The following TM2D1 variants were observed in gnomAD, a reference collection of about 807,000 sequenced individuals.
TM2D1 encodes the protein TM2 domain-containing protein 1.
In TM2D1, 15 loss-of-function variants were observed where a neutral mutation model predicts 28.4. The ratio of observed to expected loss-of-function variants is 0.53; its 90% CI spans 0.35 to 0.81. The LOEUF (loss-of-function observed/expected upper bound fraction) is 0.81, where lower values mean the gene tolerates loss of function less well. Ranked by LOEUF, TM2D1 falls within the 40% of genes least tolerant of loss-of-function variation. The probability of loss-of-function intolerance (pLI) is 0.01; values close to 1 mark genes in which losing one functional copy is unlikely to be tolerated. For synonymous variants in TM2D1, 93 were observed against 96.2 expected, an observed-to-expected ratio of 0.97 and a Z score of 0.20; for missense variants, 236 against 254.9, an observed-to-expected ratio of 0.93 and a Z score of 0.50.
chr1:61,716,968 A>G (rs1176200982), intron 2 of TM2D1, among the ~76,000 whole-genome samples: 1 of 152,040 alleles, frequency 6.6e-6, no homozygotes, highest in African/African-American at 2.4e-5. Context: ...CTTAATCAAT[A>G]CTCTTTCCAT....
chr1:61,703,016 G>A (rs941006878), intron 3 of TM2D1, among the ~76,000 whole-genome samples: 39 of 151,588 alleles, frequency 2.6e-4, no homozygotes, highest in Middle Eastern at 3.4e-3. Context: ...TGAGGCATGA[G>A]AATCGCTTGA....
chr1:61,711,798 T>G (rs964387071), intron 2 of TM2D1, among the ~76,000 whole-genome samples: 3 of 152,226 alleles, frequency 2.0e-5, no homozygotes, highest in Admixed American at 6.5e-5. Context: ...ATCATGCTTT[T>G]GATTAGTTAT....
At chr1:61,710,448 G>GTATATA (rs1210120656) in intron 2 of TM2D1, among the ~76,000 whole-genome samples, 4 of 49,608 alleles carry the variant, frequency 8.1e-5, no homozygotes, top group African/African-American at 1.9e-4. Context: ...AAAAAAAAAT[G>GTATATA]TATATATATA....
In TM2D1 at chr1:61,700,055, TAGA is replaced by T; in HGVS notation, c.439+876_439+878del. The T allele has an allele frequency of 3.0e-6, 4 of 1,329,524 alleles. No homozygotes were observed. The South Asian group carries it at 8.9e-5, about 30-fold the overall frequency. 82.4% of individuals were successfully genotyped at this position (1,329,524 alleles called of 1,614,324 possible). ...AAATTTGCTCAGTGAAGGGCTAATA[TAGA>T]AGCAGAGTACTACAGTAAATAAAGC... is the stretch of plus-strand genomic sequence containing the variant. On this transcript the variant is annotated intron_variant, in intron 4 of 6. Transcript: ENST00000606498.
rs1345440033 is a variant in TM2D1 at position 61,725,101 on chromosome 1, G to A, written c.20C>T (p.Ser7Phe). The change falls in exon 1 of 7, where the codon TCT (serine) becomes TTT (phenylalanine). Residue 7 changes from serine (S) to phenylalanine (F), a missense_variant. Coordinates refer to ENST00000606498, the MANE Select transcript of TM2D1 (RefSeq NM_032027.3). MAAAWP[S>F]GPSAPEAVTA... ...CACGGCCTCCGGAGCAGACGGACCA[G>A]ACGGCCAGGCGGCCGCCATCTTGGA... The A allele has an allele frequency of 1.2e-6, 2 of 1,613,654 alleles. No individual in the cohort carries two copies. The highest frequency in any genetic ancestry group is 2.2e-5 in the South Asian group (2 of 91,084).
rs1005498172 is a variant in TM2D1, at chr1:61,702,472, G to A, written c.348-1447C>T. 1.2e-4 allele frequency among the ~76,000 whole-genome samples: 18 copies of A among 150,750 alleles called. No homozygotes were observed. The South Asian group carries it at 1.3e-3, about 11-fold the overall frequency. On this transcript the variant is annotated intron_variant, in intron 3 of 6. Transcript: ENST00000606498. The stretch of plus-strand genomic sequence containing the variant: ...CAACCTCTGCCTCCCAGGTTCAAGC[G>A]ATTCTTCCACCTCAGCCCCCCAAGT...
chr1:61,710,491 CATAT>C (rs1209693616), intron 2 of TM2D1, among the ~76,000 whole-genome samples: 167 of 88,906 alleles, frequency 1.9e-3, no homozygotes, highest in African/African-American at 7.3e-3. Context: ...CACACACACA[CATAT>C]ACACACATAC....
intron 3 of TM2D1, among the ~76,000 whole-genome samples, chr1:61,704,063 G>A (rs1644423928): frequency 6.6e-6 from 1 of 150,600 alleles, no homozygotes; most frequent in African/African-American, 2.4e-5. Flanking sequence ...GCTAATTTTT[G>A]TATTTTTAGT....
chr1:61,700,285 G>A, intron 4 of TM2D1: 4 of 1,467,212 alleles, frequency 2.7e-6, no homozygotes, highest in South Asian at 2.9e-5. Flanking sequence ...CTGTTAAAGA[G>A]GATTTAAAGA....
chr1:61,692,627 G>A (rs1039290256), intron 5 of TM2D1, among the ~76,000 whole-genome samples: 1 of 152,174 alleles, frequency 6.6e-6, no homozygotes, highest in Admixed American at 6.5e-5. Flanking sequence ...CAGGCACAGT[G>A]ACTCATGCCT....
intron 2 of TM2D1, among the ~76,000 whole-genome samples, chr1:61,710,111 T>G (rs1044398656): frequency 6.6e-6 from 1 of 152,102 alleles, no homozygotes; most frequent in Non-Finnish European, 1.5e-5. Context: ...ATTTGGACAT[T>G]GCTCCTTTCA....
intron 3 of TM2D1, among the ~76,000 whole-genome samples, chr1:61,701,310 C>CAAAAAAAAAAAAAA (rs10587870): frequency 3.1e-4 from 26 of 84,062 alleles, no homozygotes; most frequent in East Asian, 8.4e-4. Flanking sequence ...TAAATGTTAA[C>CAAAAAAAAAAAAAA]AAAAAAAAAA....
At chr1:61,689,918 T>C (rs1193727783) in intron 5 of TM2D1, among the ~76,000 whole-genome samples, 1 of 152,192 alleles carries the variant, frequency 6.6e-6, no homozygotes, top group Non-Finnish European at 1.5e-5. Context: ...AAAATTCCTA[T>C]GTTGAAGTCT....
intron 2 of TM2D1, among the ~76,000 whole-genome samples, chr1:61,710,603 C>T (rs1208870424): frequency 6.6e-6 from 1 of 151,164 alleles, no homozygotes; most frequent in Non-Finnish European, 1.5e-5. Context: ...CAGTATATTG[C>T]AGGTATTCAA....
chr1:61,703,228 A>C (rs1644415597), intron 3 of TM2D1, among the ~76,000 whole-genome samples: 1 of 148,742 alleles, frequency 6.7e-6, no homozygotes, highest in Admixed American at 6.8e-5. Flanking sequence ...ATATTACCAT[A>C]TTTATATATA....
chr1:61,714,020 C>T (rs1023675886), intron 2 of TM2D1, among the ~76,000 whole-genome samples: 1 of 147,308 alleles, frequency 6.8e-6, no homozygotes, highest in South Asian at 2.1e-4. Flanking sequence ...CTCAGCCTCC[C>T]GAGTAGCTGG....
intron 2 of TM2D1, 146 bp from the exon 3 acceptor site, chr1:61,709,583 C>T: frequency 1.6e-6 from 1 of 611,178 alleles, no homozygotes. Flanking sequence ...GGAAAAGTGA[C>T]ACTACGTATG....
intron 3 of TM2D1, among the ~76,000 whole-genome samples, chr1:61,701,310 C>CAAAAAAAAAAAAAAAAAAAAA (rs10587870): frequency 3.6e-5 from 3 of 84,042 alleles, no homozygotes; most frequent in African/African-American, 8.5e-5. Flanking sequence ...TAAATGTTAA[C>CAAAAAAAAAAAAAAAAAAAAA]AAAAAAAAAA....
At chr1:61,688,661 C>G (rs1410414104) in intron 5 of TM2D1, among the ~76,000 whole-genome samples, 1 of 138,256 alleles carries the variant, frequency 7.2e-6, no homozygotes, top group African/African-American at 2.7e-5. Context: ...AGGCGGAGGT[C>G]ACAGTGAGCC....
Sources: allele counts gnomAD v4.1 joint callset (sites outside exome capture counted in the v4.1 genomes callset), GRCh38; gene constraint gnomAD v4.1.1; transcripts MANE v1.5; gene names NCBI Gene and HGNC (gene_info 2026-07-23, HGNC 2026-07-21).